Variants in CNKSR2 observed in about 807,000 individuals in gnomAD.
The protein encoded by CNKSR2 is CNK homolog protein 2.
Under a neutral mutation model 84.4 loss-of-function variants are expected in CNKSR2, and 14 were observed. That is an observed-to-expected ratio of 0.17 (90% CI 0.11 to 0.26). The LOEUF is 0.26. Among genes scored for constraint, CNKSR2 ranks in the 10% least tolerant of loss-of-function variants. The pLI, the probability that CNKSR2 is intolerant of heterozygous loss-of-function variation, is 1.00. For synonymous variants in CNKSR2, 275 were observed against 277.9 expected, an observed-to-expected ratio of 0.99 and a Z score of 0.10; for missense variants, 485 against 771.2, an observed-to-expected ratio of 0.63 and a Z score of 4.40.
chrX:21,512,387 A>T (rs142423244), intron 8 of CNKSR2, among the ~76,000 whole-genome samples: 4 of 111,949 alleles, frequency 3.6e-5, no homozygotes, highest in Non-Finnish European at 7.5e-5. Context: ...AACACATGCT[A>T]AAGTTTGAGA....
At chrX:21,618,739 A>G (rs1191604909) in intron 20 of CNKSR2, among the ~76,000 whole-genome samples, 1 of 112,052 alleles carries the variant, frequency 8.9e-6, no homozygotes, top group Non-Finnish European at 1.9e-5. Flanking sequence ...TGTATCGTAC[A>G]TATGGTTTGC....
In CNKSR2 at chrX:21,407,733, C is replaced by A. The variant is rs183000491; in HGVS notation, c.65-18764C>A. Among the ~76,000 whole-genome samples, 10 of 111,233 alleles carry A rather than the reference C, an allele frequency of 9.0e-5. No homozygotes were observed. In the East Asian group the frequency reaches 2.8e-3, roughly 31 times the overall value. ...TAGCACTGCTAGGTCAAGATCAGAGCGCTTTGTTCATAAGTAAAGTGTATA... is the reference window on the plus strand; with the variant it reads ...TAGCACTGCTAGGTCAAGATCAGAGAGCTTTGTTCATAAGTAAAGTGTATA... On this transcript the variant is annotated intron_variant, in intron 1 of 21. Coordinates refer to ENST00000379510, the MANE Select transcript of CNKSR2 (RefSeq NM_014927.5).
chrX:21,485,704 A>G (rs1290510300), intron 5 of CNKSR2, among the ~76,000 whole-genome samples: 3 of 112,135 alleles, frequency 2.7e-5, no homozygotes, highest in South Asian at 3.7e-4. Context: ...AGTTTATAAC[A>G]GAATCCAGAA....
rs369225445 is a variant in CNKSR2, at chrX:21,653,685, A to G, written c.*1164A>G. On this transcript the variant is annotated 3_prime_UTR_variant, in exon 22 of 22. Coordinates refer to ENST00000379510, the MANE Select transcript of CNKSR2 (RefSeq NM_014927.5). ...TTTTCCTGGCTTCATGAATTGTTCT[A>G]TAGAGTGGATGAAGTCTAAGGAAAA... is the stretch of plus-strand genomic sequence containing the variant. 13 of 110,949 alleles carry G rather than the reference A, an allele frequency of 1.2e-4. No individual in the cohort carries two copies. In the East Asian group the frequency reaches 2.0e-3, roughly 17 times the overall value. 9.1% of individuals were successfully genotyped at this position (110,949 alleles called of 1,213,427 possible). A position where few individuals can be genotyped will look rare whatever the true frequency, so the allele number is the denominator to read the frequency against.
At chrX:21,509,817 A>T (rs1204536415) in intron 8 of CNKSR2, among the ~76,000 whole-genome samples, 4 of 112,100 alleles carry the variant, frequency 3.6e-5, no homozygotes, top group African/African-American at 1.3e-4. Flanking sequence ...GGCACTGTAT[A>T]TCAAAATTCA....
chrX:21,431,063 G>A (rs991015953), intron 2 of CNKSR2, among the ~76,000 whole-genome samples: 4 of 111,561 alleles, frequency 3.6e-5, no homozygotes, highest in Non-Finnish European at 7.5e-5. Flanking sequence ...CTTTTATCAC[G>A]ATTAAATCTG....
At chrX:21,412,912 A>T (rs977816119) in intron 1 of CNKSR2, among the ~76,000 whole-genome samples, 4 of 112,024 alleles carry the variant, frequency 3.6e-5, no homozygotes, top group Non-Finnish European at 7.5e-5. Flanking sequence ...TGCACATATC[A>T]TCAAACGTAC....
intron 6 of CNKSR2, among the ~76,000 whole-genome samples, chrX:21,496,129 A>G (rs1264196609): frequency 1.8e-5 from 2 of 111,571 alleles, no homozygotes; most frequent in African/African-American, 3.3e-5. Flanking sequence ...TAAAAATATC[A>G]TTACATAATT....
At chrX:21,472,728 A>T (rs1329621195) in intron 5 of CNKSR2, among the ~76,000 whole-genome samples, 3 of 111,839 alleles carry the variant, frequency 2.7e-5, no homozygotes, top group African/African-American at 6.5e-5. Context: ...ACTGTAAAAA[A>T]TATGAAATTT....
rs2089780840 is a variant in CNKSR2, at chrX:21,374,752, A to G, written c.-146A>G. 1.5e-5 allele frequency: 8 copies of G among 530,195 alleles called. No homozygotes were observed. In the South Asian group the frequency reaches 2.0e-4, roughly 14 times the overall value. 43.7% of individuals were successfully genotyped at this position (530,195 alleles called of 1,213,427 possible). A position where few individuals can be genotyped will look rare whatever the true frequency, so the allele number is the denominator to read the frequency against. On this transcript the variant is annotated 5_prime_UTR_variant, in exon 1 of 22. Coordinates refer to ENST00000379510, the MANE Select transcript of CNKSR2 (RefSeq NM_014927.5). Reference sequence around the variant, plus strand: ...TTGGCTAAAAGACGTTACAGCCGCGAGACCCGACACACAAAAGCCGCTTTC... The same window carrying G: ...TTGGCTAAAAGACGTTACAGCCGCGGGACCCGACACACAAAAGCCGCTTTC...
At chrX:21,434,441 G>A (rs2090677185) in intron 3 of CNKSR2, among the ~76,000 whole-genome samples, 1 of 111,376 alleles carries the variant, frequency 9.0e-6, no homozygotes, top group African/African-American at 3.3e-5. Context: ...AAACACATAT[G>A]TGCATGCACA....
Position 21,376,099 on chromosome X carries a change from C to T in CNKSR2, c.64+1138C>T, listed in dbSNP as rs376342133. ...CAGTCAGGGACCAAAGGCTTATTAT[C>T]GCTGAAAATGCCCGTTCCTACGATG... On this transcript the variant is annotated intron_variant, in intron 1 of 21. Transcript: ENST00000379510. Among the ~76,000 whole-genome samples, 3 of 112,595 alleles carry T rather than the reference C, an allele frequency of 2.7e-5. No homozygotes were observed. In the East Asian group the frequency reaches 8.4e-4, roughly 32 times the overall value.
chrX:21,387,304 A>T (rs1320380654), intron 1 of CNKSR2, among the ~76,000 whole-genome samples: 1 of 111,044 alleles, frequency 9.0e-6, no homozygotes, highest in Non-Finnish European at 1.9e-5. Context: ...CAACATGACG[A>T]AACTCTGTCT....
chrX:21,611,056 C>T (rs752657942), intron 20 of CNKSR2, among the ~76,000 whole-genome samples: 145 of 112,289 alleles, frequency 1.3e-3, no homozygotes, highest in Non-Finnish European at 2.3e-3. Context: ...CCATTCATTA[C>T]TTGCCAAGCC....
intron 9 of CNKSR2, among the ~76,000 whole-genome samples, chrX:21,520,779 CA>C (rs1183127790): frequency 9.2e-6 from 1 of 108,375 alleles, no homozygotes; most frequent in African/African-American, 3.3e-5. Context: ...TTGTTCAAGA[CA>C]TTTTTATATA....
intron 2 of CNKSR2, chrX:21,429,830 C>G (rs1389065857): frequency 2.7e-5 from 3 of 110,852 alleles, no homozygotes; most frequent in Non-Finnish European, 3.8e-5. Context: ...CCCAGGAAGT[C>G]CAGGCTGCAG....
intron 5 of CNKSR2, among the ~76,000 whole-genome samples, chrX:21,479,159 G>A (rs1163772910): frequency 9.0e-6 from 1 of 111,278 alleles, no homozygotes; most frequent in Non-Finnish European, 1.9e-5. Flanking sequence ...GAGAACATGT[G>A]GTATTTGACT....
chrX:21,376,857 A>G (rs778845540), intron 1 of CNKSR2, among the ~76,000 whole-genome samples: 7 of 111,517 alleles, frequency 6.3e-5, no homozygotes, highest in Non-Finnish European at 1.1e-4. Flanking sequence ...CCTCCCAGTT[A>G]TATTCTTGCA....
rs746993139 is a variant in CNKSR2, at chrX:21,528,766, A to AC, written c.1091+1766_1091+1767insC. On this transcript the variant is annotated intron_variant, in intron 10 of 21. Coordinates refer to ENST00000379510, the MANE Select transcript of CNKSR2 (RefSeq NM_014927.5). ...ACTGATTCTTAGTTGGTCAGTGTATAATTTAACAGAATATTCTAAATACAT... is the reference window on the plus strand; with the variant it reads ...ACTGATTCTTAGTTGGTCAGTGTATACATTTAACAGAATATTCTAAATACAT... 1.3e-3 allele frequency among the ~76,000 whole-genome samples: 143 copies of AC among 111,300 alleles called. 4 individuals are homozygous for AC. The Admixed American group carries it at 0.014, about 11-fold the overall frequency.
Sources: allele counts gnomAD v4.1 joint callset (sites outside exome capture counted in the v4.1 genomes callset), GRCh38; gene constraint gnomAD v4.1.1; transcripts MANE v1.5; gene names NCBI Gene and HGNC (gene_info 2026-07-23, HGNC 2026-07-21).